ST8SIA1: variants seen among roughly 807,000 people sequenced by gnomAD.
ST8SIA1 encodes the protein ST8 alpha-N-acetyl-neuraminide alpha-2,8-sialyltransferase 1.
ST8SIA1 carries 16 observed loss-of-function variants against 35.9 expected under a neutral mutation model. The ratio of observed to expected loss-of-function variants is 0.45; its 90% CI spans 0.30 to 0.68. ST8SIA1 has a LOEUF of 0.68. Ranked by LOEUF, ST8SIA1 falls within the 30% of genes least tolerant of loss-of-function variation. The pLI, the probability that ST8SIA1 is intolerant of heterozygous loss-of-function variation, is 0.09. For missense variants in ST8SIA1, 383 were observed against 453.6 expected (o/e 0.84, Z 1.41); for synonymous variants, 170 against 169.6 (o/e 1.00, Z -0.02).
intron 2 of ST8SIA1, among the ~76,000 whole-genome samples, chr12:22,258,451 G>A (rs540300855): frequency 6.7e-6 from 1 of 148,564 alleles, no homozygotes; most frequent in Admixed American, 6.7e-5. Context: ...ATGGAAAAGA[G>A]AAGAGGTCTA....
At chr12:22,329,322 A>G (rs925082061) in intron 1 of ST8SIA1, among the ~76,000 whole-genome samples, 2 of 152,120 alleles carry the variant, frequency 1.3e-5, no homozygotes, top group Admixed American at 6.6e-5. Context: ...AGGAACATAC[A>G]CAAACCTACT....
chr12:22,286,877 T>C (rs1866106373), intron 2 of ST8SIA1, among the ~76,000 whole-genome samples: 1 of 152,200 alleles, frequency 6.6e-6, no homozygotes, highest in Admixed American at 6.5e-5. Flanking sequence ...CACAAGTCCC[T>C]GATCATTCAT....
At position 22,309,513 on chromosome 12, in the gene ST8SIA1, C is replaced by A. The variant is rs570925927; in HGVS notation, c.237-22220G>T. 2.0e-5 allele frequency among the ~76,000 whole-genome samples: 3 copies of A among 152,268 alleles called. No individual in the cohort carries two copies. The East Asian group carries it at 5.8e-4, about 29-fold the overall frequency. Reference sequence around the variant, plus strand: ...GAGACCCAAGAAGGGGCATGAAGCTCAATTGTACATGTACATGTTTCTCCT... The same window carrying A: ...GAGACCCAAGAAGGGGCATGAAGCTAAATTGTACATGTACATGTTTCTCCT... On this transcript the variant is annotated intron_variant, in intron 1 of 4. Transcript: ENST00000396037.
intron 1 of ST8SIA1, among the ~76,000 whole-genome samples, chr12:22,296,916 C>A (rs969582251): frequency 6.6e-6 from 1 of 152,118 alleles, no homozygotes; most frequent in East Asian, 1.9e-4. Flanking sequence ...TAGACATGTG[C>A]GCAAGTAGCA....
chr12:22,296,609 G>C (rs573080096), intron 1 of ST8SIA1, among the ~76,000 whole-genome samples: 1 of 152,104 alleles, frequency 6.6e-6, no homozygotes, highest in Non-Finnish European at 1.5e-5. Context: ...TGTTATACAT[G>C]AATTCGTATC....
chr12:22,214,551 G>A (rs912028295), intron 4 of ST8SIA1, among the ~76,000 whole-genome samples: 19 of 151,306 alleles, frequency 1.3e-4, no homozygotes, highest in Non-Finnish European at 1.6e-4. Context: ...ATAGCCAAGT[G>A]AAATAACTCT....
At chr12:22,209,910 T>C (rs1205252823) in intron 4 of ST8SIA1, among the ~76,000 whole-genome samples, 13 of 152,350 alleles carry the variant, frequency 8.5e-5, no homozygotes, top group Non-Finnish European at 1.8e-4. Flanking sequence ...TACATGCCCA[T>C]AAGAAGTATT....
Position 22,334,007 on chromosome 12 carries a change from T to C in ST8SIA1, c.226A>G (p.Arg76Gly), listed in dbSNP as rs148423699. Residue 76 changes from arginine to glycine, a missense_variant, in exon 1 of 5, where the codon AGA (arginine) becomes GGA (glycine). Arg to Gly is a moderately radical substitution (Grantham distance 125). Transcript: ENST00000396037. ...CGAGGGCAGGAGTACCTGAACGCTC[T>C]GGCCGCGGTCTGGTTCCTCCTCCAC... ...TAWRRNQTAA[R>G]AFRKQMEDCC... 2.5e-6 allele frequency: 4 copies of C among 1,613,738 alleles called. No homozygotes were observed. The highest frequency in any genetic ancestry group is 2.7e-5 in the African/African-American group (2 of 74,910).
At chr12:22,225,981 T>C (rs573663273) in intron 4 of ST8SIA1, among the ~76,000 whole-genome samples, 4 of 152,300 alleles carry the variant, frequency 2.6e-5, no homozygotes, top group African/African-American at 9.6e-5. Context: ...GAGCTGGTTT[T>C]GGAATATTTA....
At chr12:22,313,343 G>A (rs971005794) in intron 1 of ST8SIA1, among the ~76,000 whole-genome samples, 1 of 152,018 alleles carries the variant, frequency 6.6e-6, no homozygotes, top group African/African-American at 2.4e-5. Flanking sequence ...TAAGATAAAA[G>A]GGCAAGAAAG....
Position 22,334,004 on chromosome 12 carries a change from C to T in ST8SIA1, c.229G>A (p.Ala77Thr), listed in dbSNP as rs369497865. 3 of 1,613,744 alleles carry T rather than the reference C, an allele frequency of 1.9e-6. No homozygotes were observed. Among genetic ancestry groups the T allele is most frequent in the African/African-American group, 2.7e-5 (2 of 74,910 alleles). Reference sequence around the variant, plus strand: ...CCGCGAGGGCAGGAGTACCTGAACGCTCTGGCCGCGGTCTGGTTCCTCCTC... The same window carrying T: ...CCGCGAGGGCAGGAGTACCTGAACGTTCTGGCCGCGGTCTGGTTCCTCCTC... ...AWRRNQTAAR[A>T]FRKQMEDCCD... The change falls in exon 1 of 5, where the codon GCG becomes ACG. Residue 77 changes from alanine to threonine, a missense_variant. Coordinates refer to ENST00000396037, the MANE Select transcript of ST8SIA1 (RefSeq NM_003034.4).
At chr12:22,246,563 C>T (rs113377184) in intron 4 of ST8SIA1, among the ~76,000 whole-genome samples, 131 of 152,218 alleles carry the variant, frequency 8.6e-4, no homozygotes, top group African/African-American at 2.9e-3. Flanking sequence ...GGCCGGGGAC[C>T]GGTCACTGGA....
In ST8SIA1 at chr12:22,196,242, A is replaced by G. The variant is rs546870691; in HGVS notation, c.*5310T>C. 3.9e-5 allele frequency: 6 copies of G among 152,244 alleles called. No individual in the cohort carries two copies. The highest frequency in any genetic ancestry group is 7.3e-5 in the Non-Finnish European group (5 of 68,054). 9.4% of individuals were successfully genotyped at this position (152,244 alleles called of 1,614,324 possible). ...TATTTATTCCTTATGTATTAGAGAC[A>G]GAAGAAATCAGAAATGTTGGCACCA... On this transcript the variant is annotated 3_prime_UTR_variant, in exon 5 of 5. Transcript: ENST00000396037.
intron 4 of ST8SIA1, among the ~76,000 whole-genome samples, chr12:22,246,626 T>C (rs1865606442): frequency 6.6e-6 from 1 of 151,852 alleles, no homozygotes; most frequent in Non-Finnish European, 1.5e-5. Context: ...TGTGTTGTAG[T>C]GTGAGAACAG....
intron 1 of ST8SIA1, among the ~76,000 whole-genome samples, chr12:22,289,307 T>C (rs1866146378): frequency 6.6e-6 from 1 of 151,916 alleles, no homozygotes; most frequent in African/African-American, 2.4e-5. Context: ...ATTATTATCA[T>C]CATGATTCCT....
chr12:22,214,880 C>T (rs541256120), intron 4 of ST8SIA1, among the ~76,000 whole-genome samples: 11 of 152,132 alleles, frequency 7.2e-5, no homozygotes, highest in Admixed American at 2.6e-4. Context: ...AATTAAGGAT[C>T]GGGGCAGTTA....
intron 4 of ST8SIA1, among the ~76,000 whole-genome samples, chr12:22,205,995 A>G (rs1481259703): frequency 2.0e-5 from 3 of 152,176 alleles, no homozygotes; most frequent in Non-Finnish European, 4.4e-5. Flanking sequence ...ATACATTGAT[A>G]TGAAAATGGA....
intron 2 of ST8SIA1, among the ~76,000 whole-genome samples, chr12:22,282,592 CAG>C (rs1180113324): frequency 1.3e-5 from 2 of 152,168 alleles, no homozygotes; most frequent in Non-Finnish European, 2.9e-5. Context: ...AGTAGGAAGA[CAG>C]GGGTCTGGGA....
rs969854501 is a variant in ST8SIA1 at position 22,201,316 on chromosome 12, A to G, written c.*236T>C. ...GCTTTACCAACAGCATTTCACCAGC[A>G]TTTTACTAGTTGCAAATCTGCCATG... On this transcript the variant is annotated 3_prime_UTR_variant, in exon 5 of 5. Transcript: ENST00000396037. 21 of 458,360 alleles carry G rather than the reference A, an allele frequency of 4.6e-5. No individual in the cohort carries two copies. The highest frequency in any genetic ancestry group is 3.6e-4 in the African/African-American group (18 of 50,212). 28.4% of individuals were successfully genotyped at this position (458,360 alleles called of 1,614,324 possible). A position where few individuals can be genotyped will look rare whatever the true frequency, so the allele number is the denominator to read the frequency against.
Sources: allele counts gnomAD v4.1 joint callset (sites outside exome capture counted in the v4.1 genomes callset), GRCh38; gene constraint gnomAD v4.1.1; transcripts MANE v1.5; gene names NCBI Gene and HGNC (gene_info 2026-07-23, HGNC 2026-07-21).